CROCC2: variants seen among roughly 807,000 people sequenced by gnomAD.
The protein encoded by CROCC2 is ciliary rootlet coiled-coil protein 2.
In CROCC2, 163 loss-of-function variants were observed where a neutral mutation model predicts 177.6. The observed-to-expected ratio is 0.92, with a 90% confidence interval of 0.81 to 1.05. The LOEUF is 1.05. Ranked by LOEUF, CROCC2 falls within the 50% of genes least tolerant of loss-of-function variation. The pLI is 0.00. For missense variants in CROCC2, 1,929 were observed against 1,797.8 expected, an observed-to-expected ratio of 1.07 and a Z score of -1.32; for synonymous variants, 904 against 787.3, an observed-to-expected ratio of 1.15 and a Z score of -2.48.
chr2:240,907,007 G>A (rs1020466456), intron 1 of CROCC2, among the ~76,000 whole-genome samples: 6 of 150,952 alleles, frequency 4.0e-5, no homozygotes, highest in African/African-American at 7.3e-5. Flanking sequence ...GGCTGTGGAC[G>A]TTCAGGTGAC....
intron 28 of CROCC2, 150 bp from the exon 29 acceptor site, chr2:240,988,589 T>C (rs2059855657): frequency 1.3e-6 from 1 of 782,210 alleles, no homozygotes; most frequent in Non-Finnish European, 1.8e-6. Flanking sequence ...CCAGGGGTCC[T>C]GGCCCAGGGC....
At chr2:240,907,085 T>C (rs907805409) in intron 1 of CROCC2, among the ~76,000 whole-genome samples, 1 of 152,060 alleles carries the variant, frequency 6.6e-6, no homozygotes, top group Non-Finnish European at 1.5e-5. Flanking sequence ...CAGCCCTTGG[T>C]GCTGACATTC....
rs111268789 is a variant in CROCC2 at position 240,917,579 on chromosome 2, C to A, written c.79-1147C>A. ...ATCCAGGAGGCACAAGGTGGGGGAG[C>A]TGCCCTGCGGACCCCAGGGAGAGGG... is the stretch of plus-strand genomic sequence containing the variant. On this transcript the variant is annotated intron_variant, in intron 1 of 31. Transcript: ENST00000690015. This position sits in a 1 kb window ranked among gnomAD's most constrained non-coding sequence, Gnocchi z 4.9. Among the ~76,000 whole-genome samples the A allele has an allele frequency of 3.0e-4, 45 of 152,244 alleles. No individual in the cohort carries two copies. Among genetic ancestry groups the A allele is most frequent in the African/African-American group, 1.1e-3 (44 of 41,550 alleles).
chr2:240,991,703 C>A (rs1331254713), intron 31 of CROCC2, among the ~76,000 whole-genome samples: 1 of 152,172 alleles, frequency 6.6e-6, no homozygotes, highest in African/African-American at 2.4e-5. Context: ...TCCCAGCCTG[C>A]CCCCGCCTGG....
Position 240,935,405 on chromosome 2 carries a change from G to T in CROCC2, c.1986G>T (p.Glu662Asp). ...TGCGGGAACAGCGGAAGACTCTGGA[G>T]CAGGAACGGGCCCGGGCCGGGGAGC... The part of the protein sequence containing the change: ...DQLREQRKTL[E>D]QERARAGEQL... Residue 662 changes from glutamate (E) to aspartate (D), a missense_variant, in exon 14 of 32, where the codon GAG becomes GAT. Around this residue, in one of 3 missense-constraint regions of CROCC2, gnomAD observed 1,397 missense variants for 1,239.9 expected, o/e 1.13. Coordinates refer to ENST00000690015, the MANE Select transcript of CROCC2 (RefSeq NM_001351305.2). The T allele has an allele frequency of 7.3e-7, 1 of 1,376,440 alleles. No homozygotes were observed. The highest frequency in any genetic ancestry group is 9.4e-7 in the Non-Finnish European group (1 of 1,059,790). 85.3% of individuals were successfully genotyped at this position (1,376,440 alleles called of 1,614,324 possible). A position where few individuals can be genotyped will look rare whatever the true frequency, so the allele number is the denominator to read the frequency against.
At position 240,949,842 on chromosome 2, in the gene CROCC2, T is replaced by C; in HGVS notation, c.2652+140T>C. ...TGGCCAGGGCTGGGCAAGGACCAGC[T>C]CACTCTTTATAGTTCACGTGGGCAT... is the stretch of plus-strand genomic sequence containing the variant. On this transcript the variant is annotated intron_variant, in intron 17 of 31. Coordinates refer to ENST00000690015, the MANE Select transcript of CROCC2 (RefSeq NM_001351305.2). This position sits in a 1 kb window ranked among gnomAD's most constrained non-coding sequence, Gnocchi z 4.5. 2.3e-6 allele frequency: 2 copies of C among 874,624 alleles called. No individual in the cohort carries two copies. The highest frequency in any genetic ancestry group is 1.8e-5 in the South Asian group (1 of 55,386). The allele number at this position is 874,624 out of a possible 1,614,324, so 54.2% of individuals were successfully genotyped here.
At chr2:240,927,120 T>G (rs2059400204) in intron 5 of CROCC2, among the ~76,000 whole-genome samples, 1 of 152,238 alleles carries the variant, frequency 6.6e-6, no homozygotes, top group South Asian at 2.1e-4. Flanking sequence ...ATATGCTTTC[T>G]CTTTCTCCTT....
At chr2:240,933,075 C>A (rs2059444881) in intron 9 of CROCC2, 56 bp from the exon 10 acceptor site, 2 of 1,542,186 alleles carry the variant, frequency 1.3e-6, no homozygotes, top group Admixed American at 2.0e-5. Flanking sequence ...TGGTGGGCCT[C>A]GGTGGGCAAA....
rs185935447 is a variant in CROCC2, at chr2:240,918,045, G to C, written c.79-681G>C. Among the ~76,000 whole-genome samples the C allele has an allele frequency of 3.9e-5, 6 of 152,338 alleles. No homozygotes were observed. The highest frequency in any genetic ancestry group is 1.4e-4 in the African/African-American group (6 of 41,576). On this transcript the variant is annotated intron_variant, in intron 1 of 31. Coordinates refer to ENST00000690015, the MANE Select transcript of CROCC2 (RefSeq NM_001351305.2). This position sits in a 1 kb window ranked among gnomAD's most constrained non-coding sequence, Gnocchi z 6.3. ...GGCAGCCATTCAGCAAACACCTCCT[G>C]AGTGTGAGCCCAGGTCCTGGGCCTT...
In CROCC2 at chr2:240,964,528, C is replaced by T. The variant is rs1003193126; in HGVS notation, c.3368C>T (p.Ala1123Val). ...CTCATCCTGGAGGAGGCCCAGGCGG[C>T]GTTGCAGCAGGAGGCCAGTGCACTG... The part of the protein sequence containing the change: ...KLLILEEAQA[A>V]LQQEASALRA... Residue 1123 changes from alanine to valine, a missense_variant, in exon 22 of 32, where the codon GCG becomes GTG. This residue lies in a region of CROCC2 where 1,397 missense variants were observed against 1,239.9 expected (regional missense o/e 1.13). Coordinates refer to ENST00000690015, the MANE Select transcript of CROCC2 (RefSeq NM_001351305.2). The T allele has an allele frequency of 1.4e-5, 21 of 1,549,264 alleles. No individual in the cohort carries two copies. The highest frequency in any genetic ancestry group is 9.6e-5 in the African/African-American group (7 of 73,014).
chr2:240,942,365 GT>G (rs1295563121), intron 14 of CROCC2, among the ~76,000 whole-genome samples: 2 of 152,214 alleles, frequency 1.3e-5, no homozygotes, highest in East Asian at 1.9e-4. Context: ...TCTTGAGTAT[GT>G]TTTTAAACAT....
rs997696625 is a variant in CROCC2 at position 240,973,927 on chromosome 2, G to A, written c.4401+5665G>A. 3.3e-5 allele frequency among the ~76,000 whole-genome samples: 5 copies of A among 152,186 alleles called. No homozygotes were observed. Among genetic ancestry groups the A allele is most frequent in the Non-Finnish European group, 7.3e-5 (5 of 68,038 alleles). ...ACTCCCCTGTACATATTCCGCAGCT[G>A]TCATCATAAAGAATACACTTTAATT... is the stretch of plus-strand genomic sequence containing the variant. On this transcript the variant is annotated intron_variant, in intron 27 of 31. Transcript: ENST00000690015. The surrounding 1 kb of genome is among the most constrained non-coding windows in gnomAD (Gnocchi z 4.7).
chr2:240,914,009 C>T (rs1384649381), intron 1 of CROCC2, among the ~76,000 whole-genome samples: 3 of 152,390 alleles, frequency 2.0e-5, no homozygotes, highest in Middle Eastern at 3.4e-3. Flanking sequence ...CATGGAGGGC[C>T]CGGGAGAGAA....
intron 1 of CROCC2, among the ~76,000 whole-genome samples, chr2:240,916,369 TCTGCGTCCCCCTGC>T (rs1448727581): frequency 0.1 from 1,123 of 11,256 alleles, 21 homozygotes; most frequent in African/African-American, 0.27. Context: ...TGCGCCCCCC[TCTGCGTCCCCCTGC>T]GCCCCCCTGC....
chr2:240,928,420 T>TTGTGTGTGTGTGTGTG (rs58145871), intron 5 of CROCC2, among the ~76,000 whole-genome samples: 2,144 of 147,726 alleles, frequency 0.015, 43 homozygotes, highest in East Asian at 0.087. Context: ...TGTGCCTGTT[T>TTGTGTGTGTGTGTGTG]TGTGTGTGTG....
chr2:240,970,875 G>A (rs1328011180), intron 27 of CROCC2, among the ~76,000 whole-genome samples: 1 of 152,178 alleles, frequency 6.6e-6, no homozygotes, highest in Non-Finnish European at 1.5e-5. Flanking sequence ...GCCTGGCATG[G>A]TGTGACTGGC....
At position 240,982,595 on chromosome 2, in the gene CROCC2, G is replaced by A; in HGVS notation, c.4402-285G>A. The A allele has an allele frequency of 3.3e-6, 1 of 299,532 alleles. No homozygotes were observed. Among genetic ancestry groups the A allele is most frequent in the Non-Finnish European group, 6.1e-6 (1 of 163,024 alleles). 18.6% of individuals were successfully genotyped at this position (299,532 alleles called of 1,614,324 possible). A position where few individuals can be genotyped will look rare whatever the true frequency, so the allele number is the denominator to read the frequency against. The stretch of plus-strand genomic sequence containing the variant: ...ACTGATGTGCCCTCTGAGACCACTG[G>A]CTGCAGCAGAGAACCTGCCAAGCCC... On this transcript the variant is annotated intron_variant, in intron 27 of 31. Transcript: ENST00000690015. The surrounding 1 kb of genome is among the most constrained non-coding windows in gnomAD (Gnocchi z 4.7).
intron 1 of CROCC2, among the ~76,000 whole-genome samples, chr2:240,911,298 T>TTTC (rs2106449122): frequency 1.4e-5 from 2 of 145,844 alleles, no homozygotes; most frequent in East Asian, 4.0e-4. Flanking sequence ...GTCCACAACT[T>TTTC]TTTTTTTTTT....
intron 28 of CROCC2, among the ~76,000 whole-genome samples, chr2:240,986,738 C>T (rs910531548): frequency 6.6e-6 from 1 of 152,192 alleles, no homozygotes; most frequent in Non-Finnish European, 1.5e-5. Context: ...CCTGCAGGAA[C>T]AGGGAAGGTG....
Sources: allele counts gnomAD v4.1 joint callset (sites outside exome capture counted in the v4.1 genomes callset), GRCh38; gene constraint gnomAD v4.1.1; regional missense constraint gnomAD v4.1.1; non-coding constraint Gnocchi (gnomAD v3.1); transcripts MANE v1.5; gene names NCBI Gene and HGNC (gene_info 2026-07-23, HGNC 2026-07-21).